RGS22: variants seen among roughly 807,000 people sequenced by gnomAD.
RGS22 encodes regulator of G-protein signaling 22.
In RGS22, 148 loss-of-function variants were observed where a neutral mutation model predicts 172.9. The observed-to-expected ratio is 0.86, with a 90% CI of 0.75 to 0.98. The LOEUF (loss-of-function observed/expected upper bound fraction) is 0.98. Ranked by LOEUF, RGS22 falls within the 50% of genes least tolerant of loss-of-function variation. RGS22 has a pLI of 0.00. For missense variants in RGS22, 1,347 were observed against 1,440.8 expected (o/e 0.93, Z 1.05); for synonymous variants, 458 against 480.2 (o/e 0.95, Z 0.60).
At chr8:100,023,512 C>T (rs997127658) in intron 14 of RGS22, among the ~76,000 whole-genome samples, 1 of 152,222 alleles carries the variant, frequency 6.6e-6, no homozygotes, top group African/African-American at 2.4e-5. Context: ...TAGCTCACTG[C>T]AGCCTCCAAT....
intron 2 of RGS22, among the ~76,000 whole-genome samples, chr8:100,095,636 G>A (rs780743952): frequency 6.6e-6 from 1 of 152,078 alleles, no homozygotes; most frequent in Non-Finnish European, 1.5e-5. Flanking sequence ...TGCCATAAAG[G>A]TTCTAAAAGT....
At position 100,080,168 on chromosome 8, in the gene RGS22, T is replaced by TA; in HGVS notation, c.304_305insT (p.Glu102ValfsTer3). The TA allele has an allele frequency of 6.2e-7, 1 of 1,612,368 alleles. No individual in the cohort carries two copies. Among genetic ancestry groups the TA allele is most frequent in the Non-Finnish European group, 8.5e-7 (1 of 1,178,560 alleles). Reference sequence around the variant, plus strand: ...GTAGTTGACATTAATGGTCTCATCTTCATCGGGGGCATTCATTTGAACAGG... The same window carrying TA: ...GTAGTTGACATTAATGGTCTCATCTTACATCGGGGGCATTCATTTGAACAGG... On this transcript the variant is annotated frameshift_variant, in exon 4 of 28. Coordinates refer to ENST00000360863, the MANE Select transcript of RGS22 (RefSeq NM_015668.5). LOFTEE classifies it high-confidence loss of function.
rs778926673 is a variant in RGS22 at position 99,962,401 on chromosome 8, C to T, written c.*38G>A. The T allele has an allele frequency of 1.1e-5, 17 of 1,610,932 alleles. No homozygotes were observed. The highest frequency in any genetic ancestry group is 1.4e-5 in the Non-Finnish European group (17 of 1,177,300). On this transcript the variant is annotated 3_prime_UTR_variant, in exon 27 of 28. Coordinates refer to ENST00000360863, the MANE Select transcript of RGS22 (RefSeq NM_015668.5). ...ATTCAGACTATGACGTACCTTGAAC[C>T]TATCAGCAGCAGGATGTAAACATTC...
chr8:99,976,643 G>C (rs976043987), intron 23 of RGS22, among the ~76,000 whole-genome samples: 2 of 152,160 alleles, frequency 1.3e-5, no homozygotes, highest in Non-Finnish European at 2.9e-5. Flanking sequence ...TTACAGGCGT[G>C]AGCCACTGCG....
chr8:100,096,511 G>A (rs1253993262), intron 2 of RGS22, among the ~76,000 whole-genome samples: 1 of 151,800 alleles, frequency 6.6e-6, no homozygotes, highest in East Asian at 1.9e-4. Flanking sequence ...ACTGAAAGAG[G>A]GTTAACAAAA....
intron 23 of RGS22, among the ~76,000 whole-genome samples, chr8:99,973,494 T>C (rs1811593272): frequency 6.6e-6 from 1 of 151,840 alleles, no homozygotes; most frequent in Admixed American, 6.6e-5. Flanking sequence ...GAGGGGAACA[T>C]CACACACCAG....
chr8:99,997,556 G>A (rs949236672), intron 19 of RGS22, among the ~76,000 whole-genome samples: 4 of 152,210 alleles, frequency 2.6e-5, no homozygotes, highest in African/African-American at 9.6e-5. Flanking sequence ...AATGACTAAG[G>A]ATATTTCCAA....
At chr8:100,101,899 A>T (rs1813524402) in intron 2 of RGS22, among the ~76,000 whole-genome samples, 1 of 152,018 alleles carries the variant, frequency 6.6e-6, no homozygotes, top group African/African-American at 2.4e-5. Context: ...AAATAAAATA[A>T]TAAAATATTT....
intron 8 of RGS22, 30 bp from the exon 9 acceptor site, chr8:100,062,782 C>G (rs771943809): frequency 6.5e-7 from 1 of 1,540,860 alleles, no homozygotes; most frequent in Admixed American, 1.9e-5. Flanking sequence ...CATATATACA[C>G]ACACACATTG....
rs913341015 is a variant in RGS22 at position 100,064,143 on chromosome 8, A to AT, written c.725-101dup. On this transcript the variant is annotated intron_variant, in intron 7 of 27. Coordinates refer to ENST00000360863, the MANE Select transcript of RGS22 (RefSeq NM_015668.5). ...AGCCAGAATGGCAAATGGGTTTATC[A>AT]TAGGTAGTGACTGCATGGACCGGTG... 28 of 905,628 alleles carry AT rather than the reference A, an allele frequency of 3.1e-5. No homozygotes were observed. In the African/African-American group the frequency reaches 4.6e-4, roughly 15 times the overall value. The allele number at this position is 905,628 out of a possible 1,614,324, so 56.1% of individuals were successfully genotyped here.
At chr8:100,078,788 G>A (rs1811540552) in intron 4 of RGS22, among the ~76,000 whole-genome samples, 1 of 151,972 alleles carries the variant, frequency 6.6e-6, no homozygotes, top group Non-Finnish European at 1.5e-5. Flanking sequence ...CACCATGCCT[G>A]GCTAATTTTT....
chr8:100,061,527 C>A (rs1398428523), intron 9 of RGS22, among the ~76,000 whole-genome samples: 1 of 152,012 alleles, frequency 6.6e-6, no homozygotes, highest in Non-Finnish European at 1.5e-5. Context: ...ATACATGTGG[C>A]CAACAGTCAT....
chr8:100,082,048 T>C (rs1811801879), intron 3 of RGS22, among the ~76,000 whole-genome samples: 1 of 151,844 alleles, frequency 6.6e-6, no homozygotes, highest in Non-Finnish European at 1.5e-5. Flanking sequence ...AAGTAAAAAG[T>C]GCTCAAGTAA....
intron 24 of RGS22, 62 bp from the exon 25 acceptor site, chr8:99,963,040 T>C: frequency 7.7e-7 from 1 of 1,303,690 alleles, no homozygotes; most frequent in Non-Finnish European, 1.0e-6. Context: ...AAACTGAAGA[T>C]AAGATGTCTT....
At chr8:100,041,425 G>C (rs1360833560) in intron 12 of RGS22, among the ~76,000 whole-genome samples, 8 of 151,946 alleles carry the variant, frequency 5.3e-5, no homozygotes, top group Admixed American at 5.2e-4. Context: ...GGGAGGTGGA[G>C]GTTGCAGTGA....
At chr8:99,995,023 C>A (rs1450095514) in intron 20 of RGS22, among the ~76,000 whole-genome samples, 1 of 152,156 alleles carries the variant, frequency 6.6e-6, no homozygotes, top group South Asian at 2.1e-4. Context: ...GGAAACGATT[C>A]CCTATTTAAT....
chr8:100,095,371 A>T (rs1733806588), intron 2 of RGS22, among the ~76,000 whole-genome samples: 1 of 151,976 alleles, frequency 6.6e-6, no homozygotes, highest in African/African-American at 2.4e-5. Context: ...TTTTGTAGAG[A>T]CAATGTTTCA....
chr8:99,973,661 A>C (rs1434428872), intron 23 of RGS22, among the ~76,000 whole-genome samples: 1 of 152,128 alleles, frequency 6.6e-6, no homozygotes, highest in Non-Finnish European at 1.5e-5. Context: ...CTAGCTCAGG[A>C]GTTCAAGACC....
intron 9 of RGS22, among the ~76,000 whole-genome samples, chr8:100,061,254 G>T (rs1273984897): frequency 6.6e-6 from 1 of 152,176 alleles, no homozygotes; most frequent in African/African-American, 2.4e-5. Flanking sequence ...CACAGGCAAA[G>T]ATTTCCTGAC....
Sources: allele counts gnomAD v4.1 joint callset (sites outside exome capture counted in the v4.1 genomes callset), GRCh38; gene constraint gnomAD v4.1.1; transcripts MANE v1.5; gene names NCBI Gene and HGNC (gene_info 2026-07-23, HGNC 2026-07-21).